The following ALLC variants were observed in gnomAD, a reference collection of about 807,000 sequenced individuals.
ALLC encodes probable inactive allantoicase.
In ALLC, 40 loss-of-function variants were observed where a neutral mutation model predicts 45.0. The ratio of observed to expected loss-of-function variants is 0.89; its 90% confidence interval spans 0.69 to 1.16. The LOEUF (loss-of-function observed/expected upper bound fraction) is 1.16, where lower values mean the gene tolerates loss of function less well. Among genes scored for constraint, ALLC ranks in the 50% most tolerant of loss-of-function variants. The probability of loss-of-function intolerance (pLI) is 0.00; values close to 1 mark genes in which losing one functional copy is unlikely to be tolerated. For synonymous variants in ALLC, 176 were observed against 178.1 expected (o/e 0.99, Z 0.09); for missense variants, 488 against 493.1 (o/e 0.99, Z 0.10).
At position 3,671,131 on chromosome 2, in the gene ALLC, A is replaced by G. The variant is rs368868282; in HGVS notation, c.-27A>G. Reference sequence around the variant, plus strand: ...TGATGCTCCGAAGGAGGGAAGACTGACCCGGTTTCTGGACTTCACCCAGCT... The same window carrying G: ...TGATGCTCCGAAGGAGGGAAGACTGGCCCGGTTTCTGGACTTCACCCAGCT... On this transcript the variant is annotated 5_prime_UTR_variant, in exon 2 of 12. The change abolishes the stop of an existing upstream ORF in the 5' untranslated region. Coordinates refer to ENST00000252505, the MANE Select transcript of ALLC (RefSeq NM_018436.4). 608 of 1,608,492 alleles carry G rather than the reference A, an allele frequency of 3.8e-4. No individual in the cohort carries two copies. The highest frequency in any genetic ancestry group is 9.6e-4 in the Admixed American group (57 of 59,360).
chr2:3,688,537 G>A, intron 7 of ALLC: 1 of 193,916 alleles, frequency 5.2e-6, no homozygotes, highest in East Asian at 1.7e-4. Flanking sequence ...GGTGTATGAG[G>A]CACTACTAAG....
At chr2:3,685,027 A>C (rs1168207183) in intron 7 of ALLC, among the ~76,000 whole-genome samples, 1 of 152,188 alleles carries the variant, frequency 6.6e-6, no homozygotes, top group Non-Finnish European at 1.5e-5. Flanking sequence ...TAAACTTGGA[A>C]GTGCAGATAT....
At chr2:3,682,831 A>G (rs1364350307) in intron 6 of ALLC, 111 bp from the exon 7 acceptor site, 4 of 1,192,758 alleles carry the variant, frequency 3.4e-6, no homozygotes, top group South Asian at 1.5e-5. Context: ...GGCATCCATC[A>G]TTAATTTTTA....
chr2:3,655,679 C>A (rs1666421766), upstream of ALLC, among the ~76,000 whole-genome samples: 1 of 152,146 alleles, frequency 6.6e-6, no homozygotes, highest in Non-Finnish European at 1.5e-5. Context: ...AGGTTGGTCT[C>A]AAACCCCTGG....
chr2:3,648,186 C>G, the ALLC span, among the ~76,000 whole-genome samples: 1 of 152,158 alleles, frequency 6.6e-6, no homozygotes, highest in Non-Finnish European at 1.5e-5. Context: ...GGTTTGTCCT[C>G]TTTTCCATTT....
At chr2:3,688,574 C>A in intron 7 of ALLC, 1 of 207,330 alleles carries the variant, frequency 4.8e-6, no homozygotes, top group South Asian at 6.5e-5. Flanking sequence ...TCATACTTCT[C>A]ATGATTCACA....
the ALLC span, among the ~76,000 whole-genome samples, chr2:3,649,647 G>T: frequency 6.6e-6 from 1 of 152,252 alleles, no homozygotes; most frequent in African/African-American, 2.4e-5. Flanking sequence ...CTGGTTCAGG[G>T]GTGCGGGTGG....
At chr2:3,646,043 G>A in the ALLC span, among the ~76,000 whole-genome samples, 1 of 152,168 alleles carries the variant, frequency 6.6e-6, no homozygotes, top group Non-Finnish European at 1.5e-5. Context: ...CCGGAGAAAA[G>A]GGCAGGTTTG....
At chr2:3,690,291 C>T (rs1572526983) in intron 7 of ALLC, among the ~76,000 whole-genome samples, 1 of 896 alleles carries the variant, frequency 1.1e-3, no homozygotes, top group Admixed American at 6.3e-3. Flanking sequence ...CCTCCCCCTC[C>T]CCTCCCCCCT....
chr2:3,659,902 G>T (rs950314370), intron 1 of ALLC, among the ~76,000 whole-genome samples: 1 of 152,244 alleles, frequency 6.6e-6, no homozygotes, highest in Admixed American at 6.5e-5. Context: ...GCAGACACTG[G>T]TTGGGCCTGT....
the ALLC span, among the ~76,000 whole-genome samples, chr2:3,648,968 G>A: frequency 2.0e-5 from 3 of 152,072 alleles, no homozygotes; most frequent in African/African-American, 2.4e-5. Flanking sequence ...AGAGTACTGG[G>A]TGTTGAGTAC....
intron 4 of ALLC, among the ~76,000 whole-genome samples, chr2:3,679,502 G>A (rs1219473156): frequency 6.6e-6 from 1 of 152,204 alleles, no homozygotes. Flanking sequence ...CTTTATGGAA[G>A]CTAACGGCAT....
In ALLC at chr2:3,683,048, C is replaced by A. The variant is rs778684877; in HGVS notation, c.485C>A (p.Thr162Asn). ...YFLVNSQQRW[T>N]HIRLNIFPDG... ...CTTGTCAATTCCCAGCAGAGATGGA[C>A]TCATATCAGACTCAACATTTTCCCA... Residue 162 changes from threonine (T) to asparagine (N), a missense_variant, in exon 7 of 12, where the codon ACT becomes AAT. By Grantham distance (65) the Thr-to-Asn change is moderately conservative. Transcript: ENST00000252505. 1.2e-6 allele frequency: 2 copies of A among 1,613,940 alleles called. No homozygotes were observed. Among genetic ancestry groups the A allele is most frequent in the South Asian group, 1.1e-5 (1 of 91,078 alleles).
At chr2:3,701,145 A>T (rs905740862) in intron 10 of ALLC, among the ~76,000 whole-genome samples, 1 of 152,228 alleles carries the variant, frequency 6.6e-6, no homozygotes, top group African/African-American at 2.4e-5. Flanking sequence ...CCAGCTTCAT[A>T]ATAATTTCAG....
chr2:3,651,443 T>TGTGTGTGTGTGTGTA, the ALLC span, among the ~76,000 whole-genome samples: 2 of 16,808 alleles, frequency 1.2e-4, no homozygotes, highest in Non-Finnish European at 1.6e-4. Flanking sequence ...GTGTGTGTGT[T>TGTGTGTGTGTGTGTA]AGGAAGGGAG....
Position 3,697,399 on chromosome 2 carries a change from C to A in ALLC, c.793C>A (p.Arg265=). Residue 265 remains arginine (R), a synonymous_variant, in exon 10 of 12, where the codon CGA becomes AGA. Transcript: ENST00000252505. ...LVPGCEWAVF[R]LAHPGVITRI... The stretch of plus-strand genomic sequence containing the variant: ...TCCGGGTTGTGAATGGGCAGTTTTC[C>A]GATTGGCACATCCTGGAGTAATAAC... The A allele has an allele frequency of 6.2e-7, 1 of 1,613,770 alleles. No individual in the cohort carries two copies. The highest frequency in any genetic ancestry group is 8.5e-7 in the Non-Finnish European group (1 of 1,179,840).
intron 3 of ALLC, 100 bp downstream of exon 3, chr2:3,674,225 T>C: frequency 1.2e-6 from 1 of 862,712 alleles, no homozygotes; most frequent in Non-Finnish European, 1.9e-6. Context: ...TGGAGTCATG[T>C]GATGTACACT....
At chr2:3,698,006 C>T (rs1667727988) in intron 10 of ALLC, among the ~76,000 whole-genome samples, 1 of 151,856 alleles carries the variant, frequency 6.6e-6, no homozygotes, top group Admixed American at 6.6e-5. Context: ...CTTTGTCACC[C>T]AGGTTGGAGT....
chr2:3,685,387 A>G (rs949002445), intron 7 of ALLC, among the ~76,000 whole-genome samples: 1 of 150,930 alleles, frequency 6.6e-6, no homozygotes, highest in African/African-American at 2.4e-5. Context: ...CATGGCAGAA[A>G]GAGAAGGCGA....
Sources: allele counts gnomAD v4.1 joint callset (sites outside exome capture counted in the v4.1 genomes callset), GRCh38; gene constraint gnomAD v4.1.1; transcripts MANE v1.5; gene names NCBI Gene and HGNC (gene_info 2026-07-23, HGNC 2026-07-21).